The following NNMT variants were observed in gnomAD, a reference collection of about 807,000 sequenced individuals.
The protein encoded by NNMT is nicotinamide N-methyltransferase.
NNMT carries 10 observed loss-of-function variants against 11.7 expected under a neutral mutation model. The ratio of observed to expected loss-of-function variants is 0.85; its 90% CI spans 0.53 to 1.45. The LOEUF (loss-of-function observed/expected upper bound fraction) is 1.45, where lower values mean the gene tolerates loss of function less well. Among genes scored for constraint, NNMT ranks in the 40% most tolerant of loss-of-function variants. The pLI is 0.00. For synonymous variants in NNMT, 143 were observed against 133.8 expected (o/e 1.07, Z -0.48); for missense variants, 381 against 319.4 (o/e 1.19, Z -1.47).
intron 1 of NNMT, among the ~76,000 whole-genome samples, chr11:114,261,113 A>T (rs1945076968): frequency 6.6e-6 from 1 of 152,164 alleles, no homozygotes; most frequent in South Asian, 2.1e-4. Flanking sequence ...GGTCCTAGAC[A>T]TTTATTTCCA....
At chr11:114,297,573 A>G (rs372477323) in intron 1 of NNMT, among the ~76,000 whole-genome samples, 92 of 151,022 alleles carry the variant, frequency 6.1e-4, no homozygotes, top group Middle Eastern at 3.4e-3. Flanking sequence ...ATAGTCTCGA[A>G]CTCCTGGACT....
intron 2 of NNMT, among the ~76,000 whole-genome samples, chr11:114,306,565 A>G (rs1392607980): frequency 1.3e-5 from 2 of 152,240 alleles, no homozygotes; most frequent in African/African-American, 4.8e-5. Flanking sequence ...CTTTCTACAT[A>G]TGGCTAGCCA....
At chr11:114,270,254 G>A (rs112948034) in intron 2 of NNMT, 4 of 152,248 alleles carry the variant, frequency 2.6e-5, no homozygotes, top group African/African-American at 7.2e-5. Context: ...CATTCAATAC[G>A]TGAATTAACT....
intron 2 of NNMT, among the ~76,000 whole-genome samples, chr11:114,278,243 AGAG>A (rs1945229899): frequency 6.6e-6 from 1 of 152,024 alleles, no homozygotes; most frequent in Non-Finnish European, 1.5e-5. Context: ...AGCAAGAGAG[AGAG>A]GAGGAGATGC....
chr11:114,266,826 C>T (rs1001200672), intron 2 of NNMT, among the ~76,000 whole-genome samples: 1 of 152,226 alleles, frequency 6.6e-6, no homozygotes, highest in Non-Finnish European at 1.5e-5. Context: ...TGTGATGAGA[C>T]GGCATAAAGG....
At chr11:114,271,477 T>C (rs562714974) in intron 2 of NNMT, among the ~76,000 whole-genome samples, 11 of 152,218 alleles carry the variant, frequency 7.2e-5, no homozygotes, top group Non-Finnish European at 1.2e-4. Flanking sequence ...AGTGCAGTTA[T>C]AGAGCAGGTG....
rs772245349 is a variant in NNMT, at chr11:114,312,202, C to G, written c.520C>G (p.Pro174Ala). The G allele has an allele frequency of 9.3e-6, 15 of 1,614,100 alleles. No individual in the cohort carries two copies. Among genetic ancestry groups the G allele is most frequent in the Non-Finnish European group, 1.3e-5 (15 of 1,180,038 alleles). The change falls in exon 3 of 3, where the codon CCC (proline) becomes GCC (alanine). Residue 174 changes from proline to alanine, a missense_variant. By Grantham distance (27) the Pro-to-Ala change is conservative (BLOSUM62 -1). Transcript: ENST00000299964. ...TCTGGATGCCGCCTGCCCAGACCTC[C>G]CCACCTACTGCAGGGCGCTCAGGAA... Reference protein sequence around the residue: ...LCLDAACPDLPTYCRALRNLG... With the variant: ...LCLDAACPDLATYCRALRNLG...
At chr11:114,284,667 T>C (rs1308220271) in intron 2 of NNMT, among the ~76,000 whole-genome samples, 2 of 151,924 alleles carry the variant, frequency 1.3e-5, no homozygotes, top group African/African-American at 2.4e-5. Flanking sequence ...TTTCACCGTG[T>C]TAGCCAGGAT....
chr11:114,294,600 G>A (rs1364691248), upstream of NNMT, among the ~76,000 whole-genome samples: 1 of 152,002 alleles, frequency 6.6e-6, no homozygotes, highest in South Asian at 2.1e-4. Context: ...GTATAATTGG[G>A]TTGTTTGTAA....
chr11:114,258,152 G>A (rs1193211943), intron 1 of NNMT, among the ~76,000 whole-genome samples: 1 of 152,186 alleles, frequency 6.6e-6, no homozygotes, highest in African/African-American at 2.4e-5. Context: ...CTCACCAGGA[G>A]GGCACATTGC....
chr11:114,312,171 A>G lies in NNMT; in HGVS notation c.489A>G (p.Thr163=), dbSNP rs780808021. The change falls in exon 3 of 3, where the codon ACA becomes ACG. Residue 163 remains threonine (T), a synonymous_variant. Coordinates refer to ENST00000299964, the MANE Select transcript of NNMT (RefSeq NM_006169.3). ...PLPPADCVLS[T]LCLDAACPDL... ...CCCCGGCTGACTGCGTGCTCAGCAC[A>G]CTGTGTCTGGATGCCGCCTGCCCAG... 1.2e-6 allele frequency: 2 copies of G among 1,614,208 alleles called. No homozygotes were observed. Among genetic ancestry groups the G allele is most frequent in the Non-Finnish European group, 1.7e-6 (2 of 1,180,026 alleles).
At chr11:114,264,669 A>C (rs1178440260) in intron 2 of NNMT, among the ~76,000 whole-genome samples, 1 of 152,326 alleles carries the variant, frequency 6.6e-6, no homozygotes, top group Admixed American at 6.5e-5. Context: ...TCCAATGCCA[A>C]TCACAAGCTC....
In NNMT at chr11:114,310,885, A is replaced by C. The variant is rs2604276; in HGVS notation, c.363-1160A>C. ...CCCTGCTCTCTGGTTTCTCTTGTAC[A>C]CTCTGTTTATTTAATTTTGATCATT... On this transcript the variant is annotated intron_variant, in intron 2 of 2. Coordinates refer to ENST00000299964, the MANE Select transcript of NNMT (RefSeq NM_006169.3). Among the ~76,000 whole-genome samples, 1,390 of 151,338 alleles carry C rather than the reference A, an allele frequency of 9.2e-3. 15 individuals carry two copies. The highest frequency in any genetic ancestry group is 0.015 in the Non-Finnish European group (1,013 of 67,734).
rs1283572632 is a variant in NNMT, at chr11:114,313,395, G to A, written c.*918G>A. The A allele has an allele frequency of 6.6e-6, 1 of 152,164 alleles. No individual in the cohort carries two copies. The highest frequency in any genetic ancestry group is 6.6e-5 in the Admixed American group (1 of 15,264). The allele number at this position is 152,164 out of a possible 1,614,324, so 9.4% of individuals were successfully genotyped here. On this transcript the variant is annotated 3_prime_UTR_variant, in exon 3 of 3. Transcript: ENST00000299964. The stretch of plus-strand genomic sequence containing the variant: ...ACTCAGGAGGCTGAAGTGGGAGGAT[G>A]GCTTGAGCCCGGGAGGCGGAGGTTG...
intron 2 of NNMT, among the ~76,000 whole-genome samples, chr11:114,271,171 C>T (rs993388501): frequency 4.6e-5 from 7 of 152,086 alleles, no homozygotes; most frequent in African/African-American, 1.2e-4. Context: ...GGCAGGGAGG[C>T]AGGCACAATT....
chr11:114,262,796 C>T (rs997118624), intron 1 of NNMT: 3 of 152,264 alleles, frequency 2.0e-5, no homozygotes, highest in Non-Finnish European at 4.4e-5. Flanking sequence ...CACCTGTCAG[C>T]ACTTTTTAAA....
intron 2 of NNMT, among the ~76,000 whole-genome samples, chr11:114,274,495 C>T (rs1055219587): frequency 6.6e-6 from 1 of 152,204 alleles, no homozygotes; most frequent in African/African-American, 2.4e-5. Flanking sequence ...AGGGATTAGG[C>T]AAGGAGTTCG....
At chr11:114,294,966 G>A (rs1469996253), upstream of NNMT, among the ~76,000 whole-genome samples, 1 of 152,210 alleles carries the variant, frequency 6.6e-6, no homozygotes, top group African/African-American at 2.4e-5. Context: ...CACAACAAAA[G>A]AGAGAGCGAA....
Position 114,271,078 on chromosome 11 carries a change from C to T in NNMT, c.-130+8144C>T, listed in dbSNP as rs1163004067. ...AGGCATGAACCACCATGCTCGGCTC[C>T]GAATGACCTTTGTAAAGGCTCTGTC... On this transcript the variant is annotated intron_variant, in intron 2 of 4. Transcript: ENST00000535401. Among the ~76,000 whole-genome samples, 9 of 151,996 alleles carry T rather than the reference C, an allele frequency of 5.9e-5. 1 individual carries two copies. Among genetic ancestry groups the T allele is most frequent in the South Asian group, 4.2e-4 (2 of 4,814 alleles).
Sources: allele counts gnomAD v4.1 joint callset (sites outside exome capture counted in the v4.1 genomes callset), GRCh38; gene constraint gnomAD v4.1.1; transcripts MANE v1.5; gene names NCBI Gene and HGNC (gene_info 2026-07-23, HGNC 2026-07-21).